Variants in CPED1 observed in about 807,000 individuals in gnomAD.
CPED1 encodes the protein cadherin like and PC-esterase domain containing 1, also known as cadherin-like and PC-esterase domain-containing protein 1.
A neutral mutation model predicts 128.2 loss-of-function variants in CPED1; 114 were observed. The ratio of observed to expected loss-of-function variants is 0.89; its 90% CI spans 0.76 to 1.04. The LOEUF (loss-of-function observed/expected upper bound fraction) is 1.04. Ranked by LOEUF, CPED1 falls within the 50% of genes least tolerant of loss-of-function variation. The pLI is 0.00. For missense variants in CPED1, 1,211 were observed against 1,207.1 expected, an observed-to-expected ratio of 1.00 and a Z score of -0.05; for synonymous variants, 462 against 426.7, an observed-to-expected ratio of 1.08 and a Z score of -1.02.
Position 121,008,661 on chromosome 7 carries a change from T to A in CPED1, c.250-7004T>A, listed in dbSNP as rs1272027840. On this transcript the variant is annotated intron_variant, in intron 2 of 22. Transcript: ENST00000310396. Reference sequence around the variant, plus strand: ...AATCAAAAGACTAATCACCAAATCATCTAAAAGAGCTCCTGGATCATTCTT... The same window carrying A: ...AATCAAAAGACTAATCACCAAATCAACTAAAAGAGCTCCTGGATCATTCTT... 2.0e-5 allele frequency among the ~76,000 whole-genome samples: 3 copies of A among 152,242 alleles called. No individual in the cohort carries two copies. The East Asian group carries it at 5.8e-4, about 29-fold the overall frequency.
At chr7:121,216,732 A>G (rs945925052) in intron 16 of CPED1, among the ~76,000 whole-genome samples, 1 of 152,048 alleles carries the variant, frequency 6.6e-6, no homozygotes, top group African/African-American at 2.4e-5. Flanking sequence ...AAGACAAATT[A>G]TGTGCCATAT....
At chr7:121,141,043 G>T in intron 15 of CPED1, 30 bp downstream of exon 15, 1 of 1,567,832 alleles carries the variant, frequency 6.4e-7, no homozygotes, top group South Asian at 1.2e-5. Context: ...GCTGTGTTGA[G>T]ACACTATACT....
chr7:121,230,769 T>TA (rs1453824302), intron 16 of CPED1, among the ~76,000 whole-genome samples: 1 of 152,072 alleles, frequency 6.6e-6, no homozygotes, highest in Non-Finnish European at 1.5e-5. Context: ...AGTTTATACT[T>TA]ACATTTCACT....
intron 9 of CPED1, among the ~76,000 whole-genome samples, chr7:121,126,753 G>A (rs888087267): frequency 6.6e-6 from 1 of 151,880 alleles, no homozygotes; most frequent in African/African-American, 2.4e-5. Flanking sequence ...ATACCTAATA[G>A]TTTGTATTAT....
At chr7:121,131,683 T>C (rs1482742202) in intron 12 of CPED1, among the ~76,000 whole-genome samples, 1 of 151,974 alleles carries the variant, frequency 6.6e-6, no homozygotes, top group Admixed American at 6.6e-5. Context: ...TGAGTATAGT[T>C]GGAAAGGGTG....
chr7:121,002,925 A>G (rs146557557), intron 2 of CPED1, among the ~76,000 whole-genome samples: 305 of 152,340 alleles, frequency 2.0e-3, no homozygotes, highest in African/African-American at 7.1e-3. Context: ...CCAAGCATTT[A>G]TAGTAATGTA....
At chr7:121,074,872 G>A (rs1049725638) in intron 5 of CPED1, among the ~76,000 whole-genome samples, 4 of 152,106 alleles carry the variant, frequency 2.6e-5, no homozygotes, top group African/African-American at 7.2e-5. Context: ...ATAAAAAGGT[G>A]TTTCACAAAA....
rs983194975 is a variant in CPED1 at position 121,266,608 on chromosome 7, G to A, written c.2532-99G>A. ...AGTTGGAAAGTACAAGGAGTCTTAT[G>A]ATCAAGATGCCAGATACAGTGAAAT... On this transcript the variant is annotated intron_variant, in intron 19 of 22. Coordinates refer to ENST00000310396, the MANE Select transcript of CPED1 (RefSeq NM_024913.5). 6 of 1,184,914 alleles carry A rather than the reference G, an allele frequency of 5.1e-6. No individual in the cohort carries two copies. In the African/African-American group the frequency reaches 7.6e-5, roughly 15 times the overall value. The allele number at this position is 1,184,914 out of a possible 1,614,324, so 73.4% of individuals were successfully genotyped here.
intron 3 of CPED1, among the ~76,000 whole-genome samples, chr7:121,020,167 C>T (rs150673702): frequency 4.6e-5 from 7 of 152,094 alleles, no homozygotes; most frequent in African/African-American, 1.7e-4. Flanking sequence ...AAGCAAGCTA[C>T]AGAATTAAAG....
intron 2 of CPED1, among the ~76,000 whole-genome samples, chr7:120,993,222 G>C (rs41689): frequency 0.32 from 47,954 of 152,054 alleles, 8,067 homozygotes; most frequent in African/African-American, 0.41. Flanking sequence ...GCATCTAACA[G>C]TTTAACATTT....
At chr7:121,137,342 A>G (rs1481879969) in intron 14 of CPED1, among the ~76,000 whole-genome samples, 1 of 151,824 alleles carries the variant, frequency 6.6e-6, no homozygotes. Context: ...TGGACAATTT[A>G]TGCAATTTTG....
At chr7:121,179,700 C>T (rs747019130) in intron 16 of CPED1, among the ~76,000 whole-genome samples, 1 of 151,984 alleles carries the variant, frequency 6.6e-6, no homozygotes, top group South Asian at 2.1e-4. Flanking sequence ...ACTTATAAAC[C>T]CAACATAACA....
intron 5 of CPED1, among the ~76,000 whole-genome samples, chr7:121,084,406 C>T (rs11766324): frequency 0.3 from 45,288 of 152,064 alleles, 7,167 homozygotes; most frequent in Middle Eastern, 0.4. Flanking sequence ...TGCACGATTA[C>T]ACCATAGGGT....
intron 5 of CPED1, among the ~76,000 whole-genome samples, chr7:121,093,520 A>G (rs1794627045): frequency 6.6e-6 from 1 of 152,042 alleles, no homozygotes; most frequent in African/African-American, 2.4e-5. Flanking sequence ...TTTGTGCTGA[A>G]TATTCTCTAT....
At chr7:120,990,868 C>CA (rs1418576616) in intron 2 of CPED1, among the ~76,000 whole-genome samples, 3 of 152,210 alleles carry the variant, frequency 2.0e-5, no homozygotes, top group Admixed American at 6.5e-5. Flanking sequence ...GATTGACCAG[C>CA]ACCACTTCTT....
At chr7:121,138,677 A>T (rs1795834007) in intron 14 of CPED1, among the ~76,000 whole-genome samples, 3 of 152,092 alleles carry the variant, frequency 2.0e-5, no homozygotes. Context: ...GAATCTTTAT[A>T]AAAATATATT....
At chr7:121,213,871 A>T (rs1415002124) in intron 16 of CPED1, among the ~76,000 whole-genome samples, 3 of 152,012 alleles carry the variant, frequency 2.0e-5, no homozygotes, top group African/African-American at 7.2e-5. Flanking sequence ...ACTTGGTACA[A>T]TTTATTTACT....
intron 18 of CPED1, among the ~76,000 whole-genome samples, chr7:121,264,724 G>A (rs1358878912): frequency 6.6e-6 from 1 of 152,032 alleles, no homozygotes; most frequent in Non-Finnish European, 1.5e-5. Context: ...ACATGTGCAT[G>A]ACTAATAGAA....
intron 16 of CPED1, among the ~76,000 whole-genome samples, chr7:121,215,117 A>G (rs1252370042): frequency 1.3e-5 from 2 of 151,898 alleles, no homozygotes; most frequent in Non-Finnish European, 2.9e-5. Context: ...CTAATTTTCA[A>G]CCATGTTCCG....
Sources: gnomAD v4.1 joint callset for allele counts (sites outside exome capture counted in the v4.1 genomes callset) on GRCh38, gnomAD v4.1.1 for gene constraint, MANE v1.5 for transcripts, NCBI Gene and HGNC (gene_info 2026-07-23, HGNC 2026-07-21) for gene names.